Variants in ENPP2 observed in about 807,000 individuals in gnomAD.
The protein encoded by ENPP2 is autotaxin.
A neutral mutation model predicts 120.2 loss-of-function variants in ENPP2; 51 were observed. The observed-to-expected ratio is 0.42, with a 90% CI of 0.34 to 0.54. The LOEUF is 0.54. Ranked by LOEUF, ENPP2 falls within the 20% of genes least tolerant of loss-of-function variation. The probability of loss-of-function intolerance (pLI) is 0.04; values close to 1 mark genes in which losing one functional copy is unlikely to be tolerated. For missense variants in ENPP2, 920 were observed against 1,066.5 expected, an observed-to-expected ratio of 0.86 and a Z score of 1.91; for synonymous variants, 365 against 366.4, an observed-to-expected ratio of 1.00 and a Z score of 0.04.
chr8:119,670,687 T>C (rs1438411069), intron 1 of ENPP2, among the ~76,000 whole-genome samples: 1 of 152,176 alleles, frequency 6.6e-6, no homozygotes, highest in East Asian at 1.9e-4. Flanking sequence ...TTCAGCTGGG[T>C]CTAAATAAAA....
intron 19 of ENPP2, 23 bp from the exon 20 acceptor site, chr8:119,570,864 T>G (rs746506658): frequency 6.8e-7 from 1 of 1,477,206 alleles, no homozygotes; most frequent in Admixed American, 2.6e-5. Context: ...AAAAATAAAC[T>G]GTGTTAGGTG....
At chr8:119,607,578 G>T (rs111608198) in intron 9 of ENPP2, among the ~76,000 whole-genome samples, 3 of 151,916 alleles carry the variant, frequency 2.0e-5, no homozygotes, top group African/African-American at 7.3e-5. Flanking sequence ...GGGAGGCTGA[G>T]GCAGGAGAAT....
intron 18 of ENPP2, among the ~76,000 whole-genome samples, chr8:119,582,185 G>A (rs1423515736): frequency 4.6e-5 from 7 of 152,154 alleles, no homozygotes; most frequent in African/African-American, 7.2e-5. Flanking sequence ...TCTACTTTTT[G>A]TCTTTCATGG....
At chr8:119,669,705 T>C (rs748477237) in intron 1 of ENPP2, among the ~76,000 whole-genome samples, 4 of 152,210 alleles carry the variant, frequency 2.6e-5, no homozygotes, top group Non-Finnish European at 5.9e-5. Flanking sequence ...CCACTGAAAG[T>C]TCATACAAAG....
In ENPP2 at chr8:119,569,268, T is replaced by C; in HGVS notation, c.2020A>G (p.Lys674Glu). 2 of 1,614,056 alleles carry C rather than the reference T, an allele frequency of 1.2e-6. No homozygotes were observed. The highest frequency in any genetic ancestry group is 2.2e-5 in the East Asian group (1 of 44,870). The stretch of plus-strand genomic sequence containing the variant: ...AAGAGGAATCCGTAGGACATCTGCT[T>C]ATCATTTTTGTAGGCCAAACAGTTC... ...SQNCLAYKND[K>E]QMSYGFLFPP... The change falls in exon 21 of 25, where the codon AAG becomes GAG. Residue 674 changes from lysine (K) to glutamate (E), a missense_variant. Transcript: ENST00000075322.
chr8:119,595,351 A>G (rs1813812245), intron 11 of ENPP2, among the ~76,000 whole-genome samples: 1 of 152,130 alleles, frequency 6.6e-6, no homozygotes, highest in Non-Finnish European at 1.5e-5. Flanking sequence ...ATACAACTCT[A>G]TCCGCCCATT....
At chr8:119,570,376 T>C (rs185510001) in intron 20 of ENPP2, among the ~76,000 whole-genome samples, 101 of 151,294 alleles carry the variant, frequency 6.7e-4, no homozygotes, top group African/African-American at 2.3e-3. Context: ...TGCTGAGAAA[T>C]AAAATGTGCT....
At chr8:119,601,851 C>T (rs745693168) in intron 9 of ENPP2, among the ~76,000 whole-genome samples, 4 of 152,080 alleles carry the variant, frequency 2.6e-5, no homozygotes, top group South Asian at 2.1e-4. Flanking sequence ...CTCTTGCTGG[C>T]GGTGTGACCT....
intron 2 of ENPP2, among the ~76,000 whole-genome samples, chr8:119,630,595 CCAAACCTAAAGACAAG>C (rs140308257): frequency 0.014 from 2,147 of 152,242 alleles, 51 homozygotes; most frequent in African/African-American, 0.049. Flanking sequence ...ACAGTTCTTG[CCAAACCTAAAGACAAG>C]CAAAACTAAA....
chr8:119,651,283 T>C (rs1817618733), intron 1 of ENPP2, among the ~76,000 whole-genome samples: 1 of 152,208 alleles, frequency 6.6e-6, no homozygotes, highest in Non-Finnish European at 1.5e-5. Context: ...CATGTATACA[T>C]AGTACCACAT....
chr8:119,653,335 T>C (rs980648881), intron 1 of ENPP2, among the ~76,000 whole-genome samples: 1 of 152,108 alleles, frequency 6.6e-6, no homozygotes, highest in Non-Finnish European at 1.5e-5. Context: ...CACATTTTAG[T>C]AGGAGAAGAA....
At position 119,561,813 on chromosome 8, in the gene ENPP2, GTT is replaced by G. The variant is rs1015569868; in HGVS notation, c.2421+1042_2421+1043del. Among the ~76,000 whole-genome samples the G allele has an allele frequency of 2.0e-5, 3 of 148,796 alleles. No individual in the cohort carries two copies. In the East Asian group the frequency reaches 5.8e-4, roughly 29 times the overall value. ...TGTGTGTGTGTGTGTGTGTGTGTGT[GTT>G]TGTGTGTGTGTGTGTATGTGTGTGT... is the stretch of plus-strand genomic sequence containing the variant. On this transcript the variant is annotated intron_variant, in intron 24 of 24. Transcript: ENST00000075322.
chr8:119,569,795 G>GT (rs1238049263), intron 20 of ENPP2, among the ~76,000 whole-genome samples: 1 of 147,218 alleles, frequency 6.8e-6, no homozygotes, highest in East Asian at 2.1e-4. Context: ...AAGAACATAC[G>GT]TATGTGTACA....
At position 119,573,407 on chromosome 8, in the gene ENPP2, T is replaced by TAAAAAAAAAAAAAAAAAAAAA. The variant is rs1563680979; in HGVS notation, c.1781-2567_1781-2566insTTTTTTTTTTTTTTTTTTTTT. On this transcript the variant is annotated intron_variant, in intron 19 of 24. Coordinates refer to ENST00000075322, the MANE Select transcript of ENPP2 (RefSeq NM_001040092.3). ...AGGTGACAGAGCGAGGCTCCGTCTCTTAAAAAAAAAAAAAAAAAAGATTCA... is the reference window on the plus strand; with the variant it reads ...AGGTGACAGAGCGAGGCTCCGTCTCTAAAAAAAAAAAAAAAAAAAAATAAAAAAAAAAAAAAAAAAGATTCA... Among the ~76,000 whole-genome samples the TAAAAAAAAAAAAAAAAAAAAA allele has an allele frequency of 2.0e-4, 14 of 71,540 alleles. 1 individual carries two copies. Among genetic ancestry groups the TAAAAAAAAAAAAAAAAAAAAA allele is most frequent in the African/African-American group, 8.5e-4 (12 of 14,074 alleles). The allele number at this position is 71,540 out of a possible 152,430, so 46.9% of individuals were successfully genotyped here.
At chr8:119,631,095 C>T (rs1816635381) in intron 2 of ENPP2, among the ~76,000 whole-genome samples, 1 of 150,946 alleles carries the variant, frequency 6.6e-6, no homozygotes, top group Non-Finnish European at 1.5e-5. Context: ...GGGGTTTCAC[C>T]ATGTTGGTCA....
At chr8:119,670,892 A>T (rs1420683354) in intron 1 of ENPP2, among the ~76,000 whole-genome samples, 6 of 152,220 alleles carry the variant, frequency 3.9e-5, no homozygotes, top group African/African-American at 1.4e-4. Flanking sequence ...GTTGTGGACA[A>T]TGTGTATCCA....
intron 15 of ENPP2, among the ~76,000 whole-genome samples, chr8:119,585,208 T>A (rs2130356373): frequency 6.6e-6 from 1 of 152,284 alleles, no homozygotes; most frequent in East Asian, 1.9e-4. Context: ...CAGTAAATTC[T>A]CCATGAGGAT....
chr8:119,561,386 A>G (rs749391533), intron 24 of ENPP2, among the ~76,000 whole-genome samples: 4 of 152,236 alleles, frequency 2.6e-5, no homozygotes, highest in Admixed American at 1.3e-4. Flanking sequence ...CTCCTAGAGT[A>G]GCTTATACAA....
Position 119,637,217 on chromosome 8 carries a change from G to A in ENPP2, c.136+1208C>T, listed in dbSNP as rs566468443. Among the ~76,000 whole-genome samples the A allele has an allele frequency of 7.2e-5, 11 of 152,182 alleles. No individual in the cohort carries two copies. In the East Asian group the frequency reaches 2.1e-3, roughly 29 times the overall value. On this transcript the variant is annotated intron_variant, in intron 2 of 24. Transcript: ENST00000075322. ...GAGGCCTTTGAAGAGAGCATTTGCT[G>A]CAAATAAAAACAGCATTCTCTAGCT...
Sources: gnomAD v4.1 joint callset for allele counts (sites outside exome capture counted in the v4.1 genomes callset) on GRCh38, gnomAD v4.1.1 for gene constraint, MANE v1.5 for transcripts, NCBI Gene and HGNC (gene_info 2026-07-23, HGNC 2026-07-21) for gene names.